SAMD5: variants seen among roughly 807,000 people sequenced by gnomAD.
The protein encoded by SAMD5 is sterile alpha motif domain-containing protein 5.
A neutral mutation model predicts 11.3 loss-of-function variants in SAMD5; 13 were observed. The observed-to-expected ratio is 1.15, with a 90% CI of 0.75 to 1.83. The LOEUF (loss-of-function observed/expected upper bound fraction) is 1.83, where lower values mean the gene tolerates loss of function less well. Among genes scored for constraint, SAMD5 ranks in the 40% most tolerant of loss-of-function variants. The probability of loss-of-function intolerance (pLI) is 0.00; values close to 1 mark genes in which losing one functional copy is unlikely to be tolerated. For missense variants in SAMD5, 255 were observed against 239.1 expected (o/e 1.07, Z -0.44); for synonymous variants, 129 against 111.3 (o/e 1.16, Z -1.00).
At chr6:147,622,044 G>A (rs760195346) in intron 1 of SAMD5, among the ~76,000 whole-genome samples, 2 of 152,148 alleles carry the variant, frequency 1.3e-5, no homozygotes, top group African/African-American at 2.4e-5. Context: ...GTTTTGCCTG[G>A]GCTGTGCTTT....
At chr6:147,596,467 T>A (rs976492277) in intron 1 of SAMD5, among the ~76,000 whole-genome samples, 1 of 152,224 alleles carries the variant, frequency 6.6e-6, no homozygotes, top group African/African-American at 2.4e-5. Flanking sequence ...AATTTTGGTT[T>A]GTGTGTATAT....
At chr6:147,619,108 A>G (rs1012011626) in intron 1 of SAMD5, among the ~76,000 whole-genome samples, 6 of 152,182 alleles carry the variant, frequency 3.9e-5, no homozygotes, top group African/African-American at 1.4e-4. Flanking sequence ...CTCTTGTGAA[A>G]AGCTGGCTGT....
intron 1 of SAMD5, among the ~76,000 whole-genome samples, chr6:147,667,003 C>T (rs904264431): frequency 1.3e-5 from 2 of 152,084 alleles, no homozygotes; most frequent in Non-Finnish European, 1.5e-5. Flanking sequence ...TTTCCGAGGC[C>T]TGGATGATAT....
chr6:147,827,411 A>G, the SAMD5 span, among the ~76,000 whole-genome samples: 1 of 151,696 alleles, frequency 6.6e-6, no homozygotes, highest in Non-Finnish European at 1.5e-5. Flanking sequence ...ATGTCACTAC[A>G]AGGAATGGGC....
At chr6:147,854,643 T>C in the SAMD5 span, among the ~76,000 whole-genome samples, 1 of 152,224 alleles carries the variant, frequency 6.6e-6, no homozygotes, top group East Asian at 1.9e-4. Flanking sequence ...GTTAATTCTG[T>C]GCCCAGAAGA....
chr6:147,915,694 T>A, the SAMD5 span, among the ~76,000 whole-genome samples: 1 of 152,178 alleles, frequency 6.6e-6, no homozygotes, highest in Non-Finnish European at 1.5e-5. Flanking sequence ...TTGGTGAAGA[T>A]TCTCTTTTTT....
chr6:147,737,996 T>C (rs563269344), downstream of SAMD5, among the ~76,000 whole-genome samples: 28 of 152,208 alleles, frequency 1.8e-4, no homozygotes, highest in South Asian at 5.8e-3. Context: ...CTTTTGAGAT[T>C]TTATTATTGT....
intron 1 of SAMD5, among the ~76,000 whole-genome samples, chr6:147,549,269 G>A (rs989208709): frequency 6.6e-6 from 1 of 152,156 alleles, no homozygotes; most frequent in Non-Finnish European, 1.5e-5. Flanking sequence ...AAACAGCTCT[G>A]CATGAGTTTC....
At chr6:147,612,237 G>A (rs563702107) in intron 1 of SAMD5, among the ~76,000 whole-genome samples, 4 of 152,276 alleles carry the variant, frequency 2.6e-5, no homozygotes, top group African/African-American at 9.6e-5. Context: ...GAGGAACACT[G>A]TCGGTTGGCA....
chr6:147,865,945 AT>A, the SAMD5 span, among the ~76,000 whole-genome samples: 1 of 152,192 alleles, frequency 6.6e-6, no homozygotes, highest in African/African-American at 2.4e-5. Flanking sequence ...AATATAATAA[AT>A]TTTAAAGCTT....
intron 1 of SAMD5, among the ~76,000 whole-genome samples, chr6:147,582,393 T>C (rs1223220241): frequency 6.6e-6 from 1 of 151,464 alleles, no homozygotes; most frequent in Non-Finnish European, 1.5e-5. Context: ...GCTCAGGAGA[T>C]GGTGGTTGAG....
the SAMD5 span, among the ~76,000 whole-genome samples, chr6:147,765,939 C>T: frequency 1.3e-5 from 2 of 151,950 alleles, no homozygotes; most frequent in Non-Finnish European, 2.9e-5. Context: ...CTCAGATTGA[C>T]ACCTAGAGGA....
At chr6:147,809,161 C>T in the SAMD5 span, among the ~76,000 whole-genome samples, 3 of 151,818 alleles carry the variant, frequency 2.0e-5, no homozygotes, top group African/African-American at 7.3e-5. Flanking sequence ...AAAGGAGGCT[C>T]TTTTCTTTTT....
intron 1 of SAMD5, among the ~76,000 whole-genome samples, chr6:147,665,943 T>A (rs1407647663): frequency 6.6e-6 from 1 of 152,216 alleles, no homozygotes; most frequent in Non-Finnish European, 1.5e-5. Flanking sequence ...AGTGAGTGTG[T>A]GTGTGTTTGT....
chr6:147,607,373 C>T (rs1789719241), intron 1 of SAMD5, among the ~76,000 whole-genome samples: 1 of 152,096 alleles, frequency 6.6e-6, no homozygotes, highest in Non-Finnish European at 1.5e-5. Context: ...AGGACCAAAG[C>T]TATCCTAAGC....
Position 147,723,170 on chromosome 6 carries a change from C to T in SAMD5, c.163-14147C>T, listed in dbSNP as rs544453225. ...GATCCATCCTCAGTCTCAGGATGGT[C>T]CTGTGAGCCTGGACCTTGAGGGTAA... On this transcript the variant is annotated intron_variant, in intron 1 of 1. Transcript: ENST00000566741. Among the ~76,000 whole-genome samples, 15 of 152,294 alleles carry T rather than the reference C, an allele frequency of 9.8e-5. No individual in the cohort carries two copies. The South Asian group carries it at 2.9e-3, about 30-fold the overall frequency.
chr6:147,563,307 C>T (rs955350548), intron 1 of SAMD5, among the ~76,000 whole-genome samples: 3 of 152,132 alleles, frequency 2.0e-5, no homozygotes, highest in African/African-American at 7.2e-5. Context: ...CAGAATTCTT[C>T]TTTTAAAGAG....
At chr6:147,595,395 C>T (rs951325355) in intron 1 of SAMD5, among the ~76,000 whole-genome samples, 1 of 152,008 alleles carries the variant, frequency 6.6e-6, no homozygotes, top group Non-Finnish European at 1.5e-5. Flanking sequence ...CCAGTAGAGC[C>T]CAGATTTTAA....
At chr6:147,653,169 G>T (rs1435621406) in intron 1 of SAMD5, among the ~76,000 whole-genome samples, 2 of 152,134 alleles carry the variant, frequency 1.3e-5, no homozygotes, top group African/African-American at 4.8e-5. Context: ...GTATTTCCTA[G>T]AAATGTACCA....
Sources: allele counts gnomAD v4.1 joint callset (sites outside exome capture counted in the v4.1 genomes callset), GRCh38; gene constraint gnomAD v4.1.1; transcripts MANE v1.5; gene names NCBI Gene and HGNC (gene_info 2026-07-23, HGNC 2026-07-21).